ANTXR1: variants seen among roughly 807,000 people sequenced by gnomAD.
ANTXR1 encodes the protein ANTXR cell adhesion molecule 1, also known as anthrax toxin receptor 1.
Under a neutral mutation model 78.1 loss-of-function variants are expected in ANTXR1, and 19 were observed. That is an observed-to-expected ratio of 0.24 (90% CI 0.17 to 0.36). The LOEUF (loss-of-function observed/expected upper bound fraction) is 0.36. Ranked by LOEUF, ANTXR1 falls within the 10% of genes least tolerant of loss-of-function variation. The pLI is 1.00. For missense variants in ANTXR1, 518 were observed against 718.6 expected (o/e 0.72, Z 3.19); for synonymous variants, 273 against 260.5 (o/e 1.05, Z -0.46).
chr2:69,225,724 C>A (rs1675430162), intron 17 of ANTXR1, among the ~76,000 whole-genome samples: 1 of 152,052 alleles, frequency 6.6e-6, no homozygotes, highest in Non-Finnish European at 1.5e-5. Flanking sequence ...TGATGCAAAC[C>A]CCCAAACTCC....
intron 8 of ANTXR1, among the ~76,000 whole-genome samples, chr2:69,090,086 C>G (rs1671177803): frequency 6.6e-6 from 1 of 152,106 alleles, no homozygotes; most frequent in Non-Finnish European, 1.5e-5. Context: ...TTCCATTTAA[C>G]TAAGTCTCAG....
intron 14 of ANTXR1, among the ~76,000 whole-genome samples, chr2:69,174,332 T>C (rs978739607): frequency 6.6e-6 from 1 of 152,160 alleles, no homozygotes; most frequent in Admixed American, 6.5e-5. Context: ...TCTGCCAGAG[T>C]TGCCTTAAGA....
At chr2:69,243,694 C>T (rs1675943419) in intron 17 of ANTXR1, among the ~76,000 whole-genome samples, 1 of 152,174 alleles carries the variant, frequency 6.6e-6, no homozygotes. Flanking sequence ...CTCATTCAAG[C>T]TCATCCCTAA....
intron 13 of ANTXR1, among the ~76,000 whole-genome samples, chr2:69,158,878 A>G (rs78246457): frequency 8.4e-4 from 128 of 152,338 alleles, no homozygotes; most frequent in Non-Finnish European, 1.5e-3. Flanking sequence ...CCCATCATAC[A>G]TCGAGGAGAA....
chr2:69,233,592 G>T (rs1675680761), intron 17 of ANTXR1, among the ~76,000 whole-genome samples: 1 of 151,556 alleles, frequency 6.6e-6, no homozygotes, highest in African/African-American at 2.4e-5. Context: ...CTATCAATAG[G>T]GTTATCTTAC....
intron 17 of ANTXR1, among the ~76,000 whole-genome samples, chr2:69,216,772 TCACGGGACCACTGAAGACTTCCC>T (rs1167297551): frequency 6.6e-6 from 1 of 152,228 alleles, no homozygotes; most frequent in Non-Finnish European, 1.5e-5. Context: ...AAGAGCCCTT[TCACGGGACCACTGAAGACTTCCC>T]CCATGAGTTT....
chr2:69,070,797 T>G, intron 4 of ANTXR1, 69 bp downstream of exon 4: 4 of 1,435,550 alleles, frequency 2.8e-6, no homozygotes, highest in Non-Finnish European at 2.9e-6. Context: ...GGGTGACTGA[T>G]GAGATAAGGC....
chr2:69,201,847 A>G (rs1674779921), intron 17 of ANTXR1, among the ~76,000 whole-genome samples: 1 of 152,182 alleles, frequency 6.6e-6, no homozygotes, highest in Non-Finnish European at 1.5e-5. Context: ...TGCCTGTGGG[A>G]CATCCAAACA....
chr2:69,231,866 T>C (rs191196420), intron 17 of ANTXR1, among the ~76,000 whole-genome samples: 4 of 152,270 alleles, frequency 2.6e-5, no homozygotes, highest in Admixed American at 6.5e-5. Context: ...ACTTTCATTA[T>C]ATTCAAAACA....
intron 12 of ANTXR1, among the ~76,000 whole-genome samples, chr2:69,134,491 G>A (rs1436218044): frequency 6.6e-6 from 1 of 152,158 alleles, no homozygotes; most frequent in African/African-American, 2.4e-5. Context: ...TCAAGCACAG[G>A]CAGCAGGACA....
chr2:69,160,003 A>G (rs533643406), intron 13 of ANTXR1, among the ~76,000 whole-genome samples: 29 of 152,354 alleles, frequency 1.9e-4, no homozygotes, highest in African/African-American at 5.0e-4. Flanking sequence ...AACATCACCA[A>G]AAGGATTTAC....
intron 3 of ANTXR1, among the ~76,000 whole-genome samples, chr2:69,055,522 G>C (rs186469294): frequency 7.9e-4 from 121 of 152,250 alleles, no homozygotes; most frequent in Non-Finnish European, 1.5e-3. Flanking sequence ...GTAGTCCACT[G>C]CTTCTCAATC....
intron 3 of ANTXR1, among the ~76,000 whole-genome samples, chr2:69,048,105 G>T (rs1235797538): frequency 1.3e-5 from 2 of 152,018 alleles, no homozygotes; most frequent in Non-Finnish European, 1.5e-5. Context: ...TGAGTCCCTG[G>T]ATACTCCAAG....
chr2:69,096,282 A>AGGAAGGGAGGAAGGG, intron 9 of ANTXR1, among the ~76,000 whole-genome samples: 1 of 34,646 alleles, frequency 2.9e-5, no homozygotes, highest in Admixed American at 4.1e-4. Context: ...GGAAGGAAGG[A>AGGAAGGGAGGAAGGG]AGGAAGGGAG....
At chr2:69,078,952 T>A (rs1670818765) in intron 8 of ANTXR1, among the ~76,000 whole-genome samples, 1 of 152,144 alleles carries the variant, frequency 6.6e-6, no homozygotes, top group African/African-American at 2.4e-5. Context: ...ATATTTCAAA[T>A]CTGCTTTTTT....
chr2:69,231,649 G>A (rs1409025005), intron 17 of ANTXR1, among the ~76,000 whole-genome samples: 1 of 152,192 alleles, frequency 6.6e-6, no homozygotes, highest in Non-Finnish European at 1.5e-5. Flanking sequence ...TCATGAAGCT[G>A]CAGTCAGATG....
At position 69,020,678 on chromosome 2, in the gene ANTXR1, C is replaced by T. The variant is rs1430258873; in HGVS notation, c.152+7027C>T. ...AGAATGTGTGTCTATGTTTGGTATG[C>T]GGCCAAGAGACTGGATCTTGCCTCT... On this transcript the variant is annotated intron_variant, in intron 1 of 17. Coordinates refer to ENST00000303714, the MANE Select transcript of ANTXR1 (RefSeq NM_032208.3). 2.6e-5 allele frequency among the ~76,000 whole-genome samples: 4 copies of T among 152,132 alleles called. No individual in the cohort carries two copies. In the South Asian group the frequency reaches 8.3e-4, roughly 31 times the overall value.
chr2:69,240,442 A>G (rs1438720232), intron 17 of ANTXR1, among the ~76,000 whole-genome samples: 2 of 152,256 alleles, frequency 1.3e-5, no homozygotes, highest in Non-Finnish European at 2.9e-5. Context: ...AGAGTAAGAC[A>G]TCAATTGAAA....
At position 69,146,040 on chromosome 2, in the gene ANTXR1, T is replaced by G. The variant is rs923536904; in HGVS notation, c.952-6129T>G. ...TAAAGAAAGCCATGATGCAGGGATT[T>G]GGCCATTCAAGCCGGGCAGCCTTCA... On this transcript the variant is annotated intron_variant, in intron 12 of 17. Coordinates refer to ENST00000303714, the MANE Select transcript of ANTXR1 (RefSeq NM_032208.3). 3.0e-6 allele frequency: 3 copies of G among 985,470 alleles called. No homozygotes were observed. In the African/African-American group the frequency reaches 5.2e-5, roughly 17 times the overall value. The allele number at this position is 985,470 out of a possible 1,614,324, so 61.0% of individuals were successfully genotyped here.
Sources: gnomAD v4.1 joint callset for allele counts (sites outside exome capture counted in the v4.1 genomes callset) on GRCh38, gnomAD v4.1.1 for gene constraint, MANE v1.5 for transcripts, NCBI Gene and HGNC (gene_info 2026-07-23, HGNC 2026-07-21) for gene names.